KALRN: variants seen among roughly 807,000 people sequenced by gnomAD.
KALRN encodes the protein kalirin RhoGEF kinase, also known as kalirin.
KALRN carries 70 observed loss-of-function variants against 353.7 expected under a neutral mutation model. That is an observed-to-expected ratio of 0.20 (90% CI 0.16 to 0.24). KALRN has a LOEUF of 0.24. Ranked by LOEUF, KALRN falls within the 10% of genes least tolerant of loss-of-function variation. The probability of loss-of-function intolerance (pLI) is 1.00; values close to 1 mark genes in which losing one functional copy is unlikely to be tolerated. For missense variants in KALRN, 2,791 were observed against 3,756.7 expected, an observed-to-expected ratio of 0.74 and a Z score of 6.72; for synonymous variants, 1,391 against 1,434.8, an observed-to-expected ratio of 0.97 and a Z score of 0.69.
At chr3:124,297,828 C>T (rs2076962849) in intron 5 of KALRN, among the ~76,000 whole-genome samples, 1 of 152,188 alleles carries the variant, frequency 6.6e-6, no homozygotes, top group Admixed American at 6.5e-5. Flanking sequence ...GTCTTGGCTC[C>T]ACCCTTTCTC....
intron 13 of KALRN, among the ~76,000 whole-genome samples, chr3:124,406,942 C>T (rs1396569748): frequency 1.3e-5 from 2 of 150,648 alleles, no homozygotes; most frequent in Non-Finnish European, 2.9e-5. Context: ...AGTGATTCTC[C>T]TGGGTTCAAG....
At chr3:124,497,097 A>G (rs1209733191) in intron 33 of KALRN, among the ~76,000 whole-genome samples, 2 of 152,176 alleles carry the variant, frequency 1.3e-5, no homozygotes, top group Non-Finnish European at 2.9e-5. Context: ...TGGGAAAGCA[A>G]AAGAAAAGAA....
At chr3:124,670,926 C>T (rs2086344225) in intron 47 of KALRN, among the ~76,000 whole-genome samples, 1 of 152,208 alleles carries the variant, frequency 6.6e-6, no homozygotes, top group Non-Finnish European at 1.5e-5. Flanking sequence ...TCTTGCATTG[C>T]TTTTCCCACC....
At chr3:124,678,888 C>A (rs541206743) in intron 50 of KALRN, among the ~76,000 whole-genome samples, 15 of 152,346 alleles carry the variant, frequency 9.8e-5, no homozygotes, top group African/African-American at 3.6e-4. Context: ...ACTTTGAACT[C>A]ATGAATTCTA....
Position 124,523,207 on chromosome 3 carries a change from C to T in KALRN, c.4935+26794C>T, listed in dbSNP as rs1020649668. ...TTACTCCTATTCCATTTTTCTTTCT[C>T]CATTAACATTTTTCATAACACTAGC... On this transcript the variant is annotated intron_variant, in intron 33 of 59. Transcript: ENST00000682506. Among the ~76,000 whole-genome samples the T allele has an allele frequency of 5.9e-5, 9 of 152,284 alleles. 1 individual carries two copies. The South Asian group carries it at 1.9e-3, about 32-fold the overall frequency.
Position 124,221,531 on chromosome 3 carries a change from G to A in KALRN, c.74-6459G>A, listed in dbSNP as rs1458227281. Among the ~76,000 whole-genome samples, 3 of 152,222 alleles carry A rather than the reference G, an allele frequency of 2.0e-5. No homozygotes were observed. In the East Asian group the frequency reaches 5.8e-4, roughly 29 times the overall value. Reference sequence around the variant, plus strand: ...TGATAGATTATAAAGTACAACTGGAGACAGCTCAGCTTGATGGGGAGGCCA... The same window carrying A: ...TGATAGATTATAAAGTACAACTGGAAACAGCTCAGCTTGATGGGGAGGCCA... On this transcript the variant is annotated intron_variant, in intron 1 of 59. Coordinates refer to ENST00000682506, the MANE Select transcript of KALRN (RefSeq NM_001388419.1).
At chr3:124,502,186 ACCCTAGGT>A (rs1043502398) in intron 33 of KALRN, among the ~76,000 whole-genome samples, 8 of 152,164 alleles carry the variant, frequency 5.3e-5, no homozygotes, top group Admixed American at 3.3e-4. Context: ...AAAGGAGAGC[ACCCTAGGT>A]CCCATCCCCT....
At chr3:124,227,842 C>T in intron 1 of KALRN, 148 bp from the exon 2 acceptor site, 1 of 709,040 alleles carries the variant, frequency 1.4e-6, no homozygotes, top group Non-Finnish European at 2.6e-6. Flanking sequence ...GTTGCAGACC[C>T]TCTCCTGGTC....
intron 34 of KALRN, among the ~76,000 whole-genome samples, chr3:124,619,548 C>A (rs111683416): frequency 9.9e-4 from 132 of 132,712 alleles, no homozygotes; most frequent in Non-Finnish European, 1.7e-3. Context: ...AGTGCAATGG[C>A]GTGATCTTGG....
chr3:124,372,113 A>T (rs990799249), intron 10 of KALRN, among the ~76,000 whole-genome samples: 1 of 152,188 alleles, frequency 6.6e-6, no homozygotes, highest in Non-Finnish European at 1.5e-5. Context: ...CGTTTTTGCA[A>T]ATGACTGGAT....
chr3:124,186,675 A>G (rs2074265109), intron 1 of KALRN, among the ~76,000 whole-genome samples: 1 of 152,202 alleles, frequency 6.6e-6, no homozygotes. Flanking sequence ...GCAGGGAGCT[A>G]AGGCCAATAA....
At chr3:124,695,317 G>A (rs2062002323) in intron 53 of KALRN, among the ~76,000 whole-genome samples, 1 of 152,218 alleles carries the variant, frequency 6.6e-6, no homozygotes, top group African/African-American at 2.4e-5. Context: ...CTAGATGCTT[G>A]AGAAACATTA....
At chr3:124,345,954 C>T (rs2082217191) in intron 9 of KALRN, among the ~76,000 whole-genome samples, 1 of 152,198 alleles carries the variant, frequency 6.6e-6, no homozygotes, top group South Asian at 2.1e-4. Flanking sequence ...TTAAACCATC[C>T]TTTTAAATAG....
intron 1 of KALRN, among the ~76,000 whole-genome samples, chr3:124,217,594 C>T (rs2077465434): frequency 6.6e-6 from 1 of 152,202 alleles, no homozygotes; most frequent in African/African-American, 2.4e-5. Context: ...TGCTTCTTCA[C>T]ATTTCTTTAT....
chr3:124,370,131 C>CCAG (rs1433623806), intron 10 of KALRN, among the ~76,000 whole-genome samples: 26 of 152,148 alleles, frequency 1.7e-4, no homozygotes, highest in African/African-American at 6.3e-4. Flanking sequence ...AGTGATGCTA[C>CCAG]CAGCCATTTA....
At chr3:124,348,441 G>A (rs2082496128) in intron 10 of KALRN, among the ~76,000 whole-genome samples, 1 of 152,180 alleles carries the variant, frequency 6.6e-6, no homozygotes, top group Admixed American at 6.5e-5. Context: ...GCATCTCTAG[G>A]GGAGCTGCAA....
At chr3:124,445,147 C>T (rs757713090) in intron 19 of KALRN, among the ~76,000 whole-genome samples, 39 of 152,286 alleles carry the variant, frequency 2.6e-4, no homozygotes, top group Non-Finnish European at 5.4e-4. Flanking sequence ...ACCTTCCCTA[C>T]GCTTTCTCAA....
intron 1 of KALRN, among the ~76,000 whole-genome samples, chr3:124,107,984 A>G (rs1425227388): frequency 2.0e-5 from 3 of 152,186 alleles, no homozygotes; most frequent in African/African-American, 7.2e-5. Flanking sequence ...CAATCTGATT[A>G]TGTGGCTTCT....
intron 34 of KALRN, among the ~76,000 whole-genome samples, chr3:124,606,427 G>T (rs557570454): frequency 2.6e-5 from 4 of 152,126 alleles, no homozygotes; most frequent in Non-Finnish European, 5.9e-5. Flanking sequence ...CTATGAAAAC[G>T]CCCAGGCCAT....
Sources: allele counts gnomAD v4.1 joint callset (sites outside exome capture counted in the v4.1 genomes callset), GRCh38; gene constraint gnomAD v4.1.1; transcripts MANE v1.5; gene names NCBI Gene and HGNC (gene_info 2026-07-23, HGNC 2026-07-21).